The following AGBL1 variants were observed in gnomAD, a reference collection of about 807,000 sequenced individuals.
AGBL1 encodes cytosolic carboxypeptidase 4.
A neutral mutation model predicts 118.9 loss-of-function variants in AGBL1; 130 were observed. That is an observed-to-expected ratio of 1.09 (90% confidence interval 0.95 to 1.26). The LOEUF (loss-of-function observed/expected upper bound fraction) is 1.26. Ranked by LOEUF, AGBL1 falls within the 50% of genes most tolerant of loss-of-function variation. The probability of loss-of-function intolerance (pLI) is 0.00; values close to 1 mark genes in which losing one functional copy is unlikely to be tolerated. For synonymous variants in AGBL1, 555 were observed against 478.9 expected (o/e 1.16, Z -2.08); for missense variants, 1,584 against 1,298.1 (o/e 1.22, Z -3.38).
intron 22 of AGBL1, among the ~76,000 whole-genome samples, chr15:86,804,236 C>T (rs1474151374): frequency 1.3e-5 from 2 of 152,106 alleles, no homozygotes; most frequent in African/African-American, 4.8e-5. Flanking sequence ...GGGAAGGAGA[C>T]TTCCATCTGT....
At chr15:86,346,045 TG>T (rs2080531768) in intron 17 of AGBL1, among the ~76,000 whole-genome samples, 1 of 151,976 alleles carries the variant, frequency 6.6e-6, no homozygotes, top group African/African-American at 2.4e-5. Context: ...TGTAATGGCG[TG>T]ATCTCGGCTC....
chr15:86,093,047 T>C (rs1298368412), intron 1 of AGBL1, among the ~76,000 whole-genome samples: 1 of 152,130 alleles, frequency 6.6e-6, no homozygotes, highest in East Asian at 1.9e-4. Context: ...AAGGTTGAAT[T>C]GTATATTCGG....
chr15:86,909,024 A>G lies in AGBL1; in HGVS notation c.*1730A>G, dbSNP rs2080316907. 6.6e-6 allele frequency: 1 copy of G among 152,226 alleles called. No individual in the cohort carries two copies. Among genetic ancestry groups the G allele is most frequent in the Non-Finnish European group, 1.5e-5 (1 of 68,042 alleles). 9.4% of individuals were successfully genotyped at this position (152,226 alleles called of 1,614,324 possible). On this transcript the variant is annotated 3_prime_UTR_variant, in exon 23 of 23. Coordinates refer to ENST00000614907, the MANE Select transcript of AGBL1 (RefSeq NM_001386094.1). ...TGTGTGCTTCTACTCTTGGTCTAGA[A>G]TGGCTGCTGAAGCATCAGTCACTGC...
intron 22 of AGBL1, among the ~76,000 whole-genome samples, chr15:86,795,911 G>A (rs1187797880): frequency 1.3e-5 from 2 of 151,414 alleles, no homozygotes; most frequent in African/African-American, 4.9e-5. Context: ...TTACAGCCCA[G>A]AAGGCACACA....
intron 18 of AGBL1, among the ~76,000 whole-genome samples, chr15:86,505,289 A>G (rs1414428580): frequency 1.3e-5 from 2 of 149,968 alleles, no homozygotes; most frequent in East Asian, 4.0e-4. Context: ...GATTAGATTA[A>G]TGTTTTTCAC....
At chr15:86,585,700 A>G (rs1373322220) in intron 21 of AGBL1, among the ~76,000 whole-genome samples, 3 of 152,190 alleles carry the variant, frequency 2.0e-5, no homozygotes, top group Non-Finnish European at 4.4e-5. Flanking sequence ...TAAACATAAA[A>G]TAAACAAAGG....
intron 17 of AGBL1, among the ~76,000 whole-genome samples, chr15:86,385,518 G>C (rs1374762587): frequency 2.6e-5 from 4 of 152,208 alleles, no homozygotes; most frequent in African/African-American, 9.7e-5. Context: ...TTTTCTAGTA[G>C]AGGAAAATTT....
At chr15:86,336,125 C>G (rs887377148) in intron 17 of AGBL1, among the ~76,000 whole-genome samples, 1 of 152,194 alleles carries the variant, frequency 6.6e-6, no homozygotes, top group Non-Finnish European at 1.5e-5. Context: ...AACTCAGCCT[C>G]CACCTGTGAT....
At chr15:86,273,817 G>A (rs1011869360) in intron 15 of AGBL1, among the ~76,000 whole-genome samples, 4 of 152,284 alleles carry the variant, frequency 2.6e-5, no homozygotes, top group African/African-American at 4.8e-5. Flanking sequence ...ACTGTGAGCC[G>A]TGGTACCTGA....
chr15:86,271,446 A>T lies in AGBL1; in HGVS notation c.1988-173A>T, dbSNP rs1385858481. On this transcript the variant is annotated intron_variant, in intron 14 of 22. Transcript: ENST00000614907. ...GATTGCATTTAGGGCTCACCAGGATAATCACCCCATCTCAAGATCCTTAAC... is the reference window on the plus strand; with the variant it reads ...GATTGCATTTAGGGCTCACCAGGATTATCACCCCATCTCAAGATCCTTAAC... Among the ~76,000 whole-genome samples, 5 of 152,158 alleles carry T rather than the reference A, an allele frequency of 3.3e-5. No homozygotes were observed. The East Asian group carries it at 5.8e-4, about 18-fold the overall frequency.
chr15:86,308,000 T>C (rs1013780432), intron 17 of AGBL1, among the ~76,000 whole-genome samples: 1 of 152,228 alleles, frequency 6.6e-6, no homozygotes, highest in Non-Finnish European at 1.5e-5. Context: ...CTTTATACTT[T>C]TAAATCACAT....
intron 21 of AGBL1, among the ~76,000 whole-genome samples, chr15:86,659,563 C>T (rs780618697): frequency 2.0e-4 from 31 of 152,150 alleles, no homozygotes; most frequent in Non-Finnish European, 4.1e-4. Context: ...CCCGCCACGG[C>T]GTCTTTAATT....
chr15:86,410,537 C>G lies in AGBL1; in HGVS notation c.2555+12991C>G, dbSNP rs1596079857. 7.2e-5 allele frequency among the ~76,000 whole-genome samples: 11 copies of G among 151,932 alleles called. No homozygotes were observed. In the South Asian group the frequency reaches 2.3e-3, roughly 32 times the overall value. ...TTAAGGGAGTAGTAAGCCCTAACCA[C>G]TGCACCTCACTTGATTAATATCACA... On this transcript the variant is annotated intron_variant, in intron 18 of 22. Coordinates refer to ENST00000614907, the MANE Select transcript of AGBL1 (RefSeq NM_001386094.1).
At chr15:86,852,867 T>G (rs1463556077) in intron 22 of AGBL1, among the ~76,000 whole-genome samples, 1 of 152,220 alleles carries the variant, frequency 6.6e-6, no homozygotes. Context: ...TAGAATCAAC[T>G]GGGGAACTTT....
intron 21 of AGBL1, among the ~76,000 whole-genome samples, chr15:86,573,142 T>G (rs2084034630): frequency 1.3e-5 from 2 of 152,238 alleles, no homozygotes; most frequent in Admixed American, 6.5e-5. Context: ...TAAGCTGAAG[T>G]TTGTGACTGG....
chr15:86,387,500 G>A (rs1197864954), intron 17 of AGBL1, among the ~76,000 whole-genome samples: 1 of 152,090 alleles, frequency 6.6e-6, no homozygotes. Context: ...AGAGGTTGTA[G>A]TAACGCAGTG....
At chr15:86,691,582 A>C (rs1303540590) in intron 22 of AGBL1, among the ~76,000 whole-genome samples, 2 of 152,164 alleles carry the variant, frequency 1.3e-5, no homozygotes, top group Non-Finnish European at 2.9e-5. Flanking sequence ...AAATGCCAGG[A>C]ACAAGGATCA....
chr15:86,545,584 G>T (rs1040212895), intron 19 of AGBL1, among the ~76,000 whole-genome samples: 1 of 151,964 alleles, frequency 6.6e-6, no homozygotes, highest in Non-Finnish European at 1.5e-5. Context: ...CCCAGCGTGT[G>T]TGTTTTTCTC....
chr15:86,980,467 G>A (rs2081220808), intron 23 of AGBL1, among the ~76,000 whole-genome samples: 1 of 152,148 alleles, frequency 6.6e-6, no homozygotes, highest in South Asian at 2.1e-4. Flanking sequence ...ATGGCTCAGC[G>A]AATTCTGTGA....
Sources: allele counts gnomAD v4.1 joint callset (sites outside exome capture counted in the v4.1 genomes callset), GRCh38; gene constraint gnomAD v4.1.1; transcripts MANE v1.5; gene names NCBI Gene and HGNC (gene_info 2026-07-23, HGNC 2026-07-21).